Variants in RALGAPA2 observed in about 807,000 individuals in gnomAD.
RALGAPA2 encodes ral GTPase-activating protein subunit alpha-2.
In RALGAPA2, 139 loss-of-function variants were observed where a neutral mutation model predicts 230.4. That is an observed-to-expected ratio of 0.60 (90% CI 0.53 to 0.69). RALGAPA2 has a LOEUF of 0.69. RALGAPA2 is among the 30% of genes least tolerant of loss of function. RALGAPA2 has a pLI of 0.00. For synonymous variants in RALGAPA2, 847 were observed against 837.8 expected (o/e 1.01, Z -0.19); for missense variants, 2,163 against 2,276.0 (o/e 0.95, Z 1.01).
At chr20:20,616,823 T>A (rs2066159451) in intron 12 of RALGAPA2, among the ~76,000 whole-genome samples, 1 of 152,194 alleles carries the variant, frequency 6.6e-6, no homozygotes. Flanking sequence ...AAAATCTAAG[T>A]GAATTCTTAA....
intron 36 of RALGAPA2, 147 bp from the exon 37 acceptor site, chr20:20,473,103 T>G: frequency 4.3e-5 from 34 of 792,642 alleles, no homozygotes; most frequent in Non-Finnish European, 5.6e-5. Context: ...GACACAGGTC[T>G]AGGGCTTTCA....
intron 2 of RALGAPA2, among the ~76,000 whole-genome samples, chr20:20,679,512 C>A (rs1490206423): frequency 6.6e-6 from 1 of 152,206 alleles, no homozygotes; most frequent in Non-Finnish European, 1.5e-5. Context: ...AGAGCTCTAA[C>A]CACCTCCAGA....
At chr20:20,590,626 T>C (rs1288245248) in intron 17 of RALGAPA2, among the ~76,000 whole-genome samples, 1 of 152,256 alleles carries the variant, frequency 6.6e-6, no homozygotes, top group Non-Finnish European at 1.5e-5. Context: ...GTCTCCCTGC[T>C]TTCCACACCC....
At chr20:20,639,639 C>T in intron 7 of RALGAPA2, 146 bp downstream of exon 7, 1 of 613,128 alleles carries the variant, frequency 1.6e-6, no homozygotes, top group Admixed American at 2.9e-5. Flanking sequence ...ATGGTACACA[C>T]TCTGCATTTG....
intron 27 of RALGAPA2, among the ~76,000 whole-genome samples, chr20:20,528,784 G>T (rs998288576): frequency 6.6e-6 from 1 of 152,210 alleles, no homozygotes; most frequent in African/African-American, 2.4e-5. Context: ...AAGAGGGGTG[G>T]TGCTGGCTTT....
At chr20:20,403,776 A>G (rs958753641) in intron 38 of RALGAPA2, among the ~76,000 whole-genome samples, 4 of 152,184 alleles carry the variant, frequency 2.6e-5, no homozygotes, top group Non-Finnish European at 5.9e-5. Flanking sequence ...CGCTGACTGC[A>G]GAGTCTACCC....
chr20:20,535,636 T>C, intron 26 of RALGAPA2, 109 bp downstream of exon 26: 1 of 1,425,236 alleles, frequency 7.0e-7, no homozygotes, highest in Non-Finnish European at 9.3e-7. Context: ...TTTCAGTCTG[T>C]ATAAGAGCTA....
chr20:20,542,703 C>T (rs2063678644), intron 24 of RALGAPA2, among the ~76,000 whole-genome samples: 3 of 152,066 alleles, frequency 2.0e-5, no homozygotes, highest in Admixed American at 2.0e-4. Flanking sequence ...AACTGGCTAG[C>T]CATATGCAGA....
At chr20:20,598,672 A>C (rs1001227955) in intron 16 of RALGAPA2, 1 of 455,716 alleles carries the variant, frequency 2.2e-6, no homozygotes, top group African/African-American at 2.0e-5. Flanking sequence ...AGACAGTATT[A>C]CAGTACCTGA....
intron 8 of RALGAPA2, among the ~76,000 whole-genome samples, chr20:20,636,479 G>A (rs545414800): frequency 6.6e-6 from 1 of 152,174 alleles, no homozygotes; most frequent in East Asian, 1.9e-4. Flanking sequence ...ATGTCCCAGT[G>A]CACCTAAAAG....
chr20:20,577,077 C>T (rs1472555550), intron 20 of RALGAPA2, among the ~76,000 whole-genome samples: 1 of 152,126 alleles, frequency 6.6e-6, no homozygotes, highest in Non-Finnish European at 1.5e-5. Flanking sequence ...CCAAAGTTCT[C>T]TTCTTCACCC....
chr20:20,679,790 T>G (rs1275248786), intron 2 of RALGAPA2, among the ~76,000 whole-genome samples: 1 of 152,110 alleles, frequency 6.6e-6, no homozygotes, highest in African/African-American at 2.4e-5. Flanking sequence ...GGAAGTCATC[T>G]CTCCCACTTC....
chr20:20,526,848 C>G (rs1220135386), intron 27 of RALGAPA2, among the ~76,000 whole-genome samples: 1 of 152,170 alleles, frequency 6.6e-6, no homozygotes, highest in African/African-American at 2.4e-5. Flanking sequence ...TGAAATAAAA[C>G]TTGACCTACA....
In RALGAPA2 at chr20:20,391,716, G is replaced by T. The variant is rs2059605785; in HGVS notation, c.*1573C>A. The stretch of plus-strand genomic sequence containing the variant: ...TCTGATGGGGTGAGAGCCTCAGAAG[G>T]CTTCTTCAGGCCTGGGTGGCCAAGC... On this transcript the variant is annotated 3_prime_UTR_variant, in exon 40 of 40. Coordinates refer to ENST00000202677, the MANE Select transcript of RALGAPA2 (RefSeq NM_020343.4). The T allele has an allele frequency of 6.6e-6, 1 of 152,336 alleles. No homozygotes were observed. The highest frequency in any genetic ancestry group is 2.4e-5 in the African/African-American group (1 of 41,470). 9.4% of individuals were successfully genotyped at this position (152,336 alleles called of 1,614,324 possible).
chr20:20,602,326 G>GATT, intron 15 of RALGAPA2, among the ~76,000 whole-genome samples: 1 of 152,316 alleles, frequency 6.6e-6, no homozygotes, highest in East Asian at 1.9e-4. Flanking sequence ...AGTCAAATGG[G>GATT]CAGGATAATG....
Position 20,443,738 on chromosome 20 carries a change from G to A in RALGAPA2, c.5495+29091C>T, listed in dbSNP as rs1301472067. On this transcript the variant is annotated intron_variant, in intron 37 of 39. Transcript: ENST00000202677. ...GACTCCTCTGGGCCTGTTTCCGCAT[G>A]GCTAAATGATGAACACAGTGGTGCC... 2.0e-5 allele frequency among the ~76,000 whole-genome samples: 3 copies of A among 152,216 alleles called. No individual in the cohort carries two copies. The East Asian group carries it at 5.8e-4, about 29-fold the overall frequency.
chr20:20,601,333 A>G (rs2065645506), intron 16 of RALGAPA2, among the ~76,000 whole-genome samples: 1 of 152,210 alleles, frequency 6.6e-6, no homozygotes, highest in Admixed American at 6.5e-5. Flanking sequence ...CCACACTCTA[A>G]AGATTAATAT....
intron 3 of RALGAPA2, among the ~76,000 whole-genome samples, chr20:20,655,316 A>C (rs957684602): frequency 6.6e-6 from 1 of 151,722 alleles, no homozygotes; most frequent in African/African-American, 2.4e-5. Context: ...ATCAGTTAGC[A>C]AAAAAAAATT....
intron 24 of RALGAPA2, among the ~76,000 whole-genome samples, chr20:20,540,392 T>G (rs952983628): frequency 6.6e-6 from 1 of 152,260 alleles, no homozygotes; most frequent in South Asian, 2.1e-4. Flanking sequence ...CTCAGGCAGA[T>G]AGTTAAATGT....
Sources: gnomAD v4.1 joint callset for allele counts (sites outside exome capture counted in the v4.1 genomes callset) on GRCh38, gnomAD v4.1.1 for gene constraint, MANE v1.5 for transcripts, NCBI Gene and HGNC (gene_info 2026-07-23, HGNC 2026-07-21) for gene names.